PADI2: variants seen among roughly 807,000 people sequenced by gnomAD.
PADI2 encodes the protein protein-arginine deiminase type-2.
In PADI2, 70 loss-of-function variants were observed where a neutral mutation model predicts 81.1. That is an observed-to-expected ratio of 0.86 (90% CI 0.71 to 1.05). The LOEUF (loss-of-function observed/expected upper bound fraction) is 1.05. Ranked by LOEUF, PADI2 falls within the 50% of genes least tolerant of loss-of-function variation. The pLI is 0.00. For synonymous variants in PADI2, 338 were observed against 358.0 expected (o/e 0.94, Z 0.63); for missense variants, 853 against 889.9 (o/e 0.96, Z 0.53).
intron 11 of PADI2, among the ~76,000 whole-genome samples, chr1:17,077,698 G>T (rs578104856): frequency 3.3e-5 from 5 of 152,256 alleles, no homozygotes; most frequent in Admixed American, 3.3e-4. Context: ...AGGCAAAAGT[G>T]GGCAAACAGT....
chr1:17,066,925 G>GT lies in PADI2; in HGVS notation c.*2118dup, dbSNP rs1215377290. 1.3e-5 allele frequency: 2 copies of GT among 152,034 alleles called. No homozygotes were observed. Among genetic ancestry groups the GT allele is most frequent in the Non-Finnish European group, 2.9e-5 (2 of 68,024 alleles). 9.4% of individuals were successfully genotyped at this position (152,034 alleles called of 1,614,324 possible). On this transcript the variant is annotated 3_prime_UTR_variant, in exon 16 of 16. Coordinates refer to ENST00000375486, the MANE Select transcript of PADI2 (RefSeq NM_007365.3). ...TTACATAAGATATTTCAACATCAAG[G>GT]TGGAAGCAGGAACTTAGCTGAGTTT... is the stretch of plus-strand genomic sequence containing the variant.
At chr1:17,093,470 G>A in intron 5 of PADI2, 97 bp downstream of exon 5, 1 of 757,614 alleles carries the variant, frequency 1.3e-6, no homozygotes, top group South Asian at 1.8e-5. Flanking sequence ...CAGGAGGCCT[G>A]AGTCCACACC....
chr1:17,096,818 G>A (rs1930949042), intron 3 of PADI2, among the ~76,000 whole-genome samples: 1 of 152,196 alleles, frequency 6.6e-6, no homozygotes, highest in Non-Finnish European at 1.5e-5. Context: ...CTTGTAACAT[G>A]GGGCCCTTCC....
chr1:17,111,082 C>CTTTTT (rs779445292), intron 1 of PADI2, among the ~76,000 whole-genome samples: 43 of 93,892 alleles, frequency 4.6e-4, no homozygotes, highest in Non-Finnish European at 7.0e-4. Flanking sequence ...AAAGACAGAC[C>CTTTTT]TTTTTTTTTT....
At chr1:17,097,983 G>T (rs566022995) in intron 3 of PADI2, among the ~76,000 whole-genome samples, 1 of 152,278 alleles carries the variant, frequency 6.6e-6, no homozygotes, top group East Asian at 1.9e-4. Flanking sequence ...CTCTGCAGCT[G>T]CACAGCGTTT....
Position 17,079,410 on chromosome 1 carries a change from TGGGCCCTAGGCA to T in PADI2, c.1159-7_1163del, listed in dbSNP as rs1361312766. ...GCTCCCGGGTCACGTAGCCAAAATC[TGGGCCCTAGGCA>T]GAGGGCACACACCTGCGTTAGTCTT... On this transcript the variant is annotated splice_acceptor_variant and splice_polypyrimidine_tract_variant and coding_sequence_variant and intron_variant, in exon 11 of 16. Coordinates refer to ENST00000375486, the MANE Select transcript of PADI2 (RefSeq NM_007365.3). LOFTEE classifies it high-confidence loss of function. The T allele has an allele frequency of 1.2e-6, 2 of 1,613,820 alleles. No individual in the cohort carries two copies. Among genetic ancestry groups the T allele is most frequent in the Middle Eastern group, 3.3e-4 (2 of 6,058 alleles).
Position 17,085,571 on chromosome 1 carries a change from C to T in PADI2, c.835-869G>A, listed in dbSNP as rs146920263. On this transcript the variant is annotated intron_variant, in intron 7 of 15. Transcript: ENST00000375486. The stretch of plus-strand genomic sequence containing the variant: ...AAGTTTGGATGCTCACAACCACCCC[C>T]GGCAGCAGAAACTTTTGGACGTTCT... Among the ~76,000 whole-genome samples the T allele has an allele frequency of 5.4e-3, 822 of 152,260 alleles. 8 individuals are homozygous for T. The highest frequency in any genetic ancestry group is 0.019 in the African/African-American group (775 of 41,548).
intron 1 of PADI2, among the ~76,000 whole-genome samples, chr1:17,110,818 T>C (rs1931550908): frequency 1.3e-5 from 2 of 152,198 alleles, no homozygotes; most frequent in South Asian, 4.1e-4. Context: ...ACTGGCCCTT[T>C]TGGCAGTTCA....
intron 7 of PADI2, 23 bp downstream of exon 7, chr1:17,086,498 T>C (rs756163639): frequency 1.3e-6 from 2 of 1,599,402 alleles, no homozygotes; most frequent in Non-Finnish European, 1.7e-6. Flanking sequence ...TAGCCCCCTG[T>C]GGTGGAGGCC....
At chr1:17,081,349 T>A (rs1446885708) in intron 10 of PADI2, among the ~76,000 whole-genome samples, 1 of 152,204 alleles carries the variant, frequency 6.6e-6, no homozygotes, top group Non-Finnish European at 1.5e-5. Context: ...TATCCCCATT[T>A]TAGATGAGGA....
intron 6 of PADI2, among the ~76,000 whole-genome samples, chr1:17,088,903 T>A (rs1251854034): frequency 2.8e-4 from 1 of 3,602 alleles, no homozygotes; most frequent in South Asian, 6.9e-3. Context: ...CGAGACTCCA[T>A]CTCAAAAAAA....
In PADI2 at chr1:17,084,641, A is replaced by C; in HGVS notation, c.896T>G (p.Met299Arg). ...CACGGGAGGCAGGATGTTGGGGGTC[A>C]TGATCCACGGAGCAATCCGGAATAT... ...TVIFRIAPWI[M>R]TPNILPPVSV... Residue 299 changes from methionine to arginine, a missense_variant, in exon 8 of 16, where the codon ATG becomes AGG. By Grantham distance (91) the Met-to-Arg change is moderately conservative. Coordinates refer to ENST00000375486, the MANE Select transcript of PADI2 (RefSeq NM_007365.3). 6.3e-7 allele frequency: 1 copy of C among 1,581,612 alleles called. No individual in the cohort carries two copies.
chr1:17,114,679 C>G (rs1179238640), intron 1 of PADI2, among the ~76,000 whole-genome samples: 1 of 144,966 alleles, frequency 6.9e-6, no homozygotes, highest in Non-Finnish European at 1.5e-5. Flanking sequence ...AAACAGAGTT[C>G]TCGGGACTCA....
At chr1:17,075,486 C>T in intron 12 of PADI2, 193 bp downstream of exon 12, 1 of 509,730 alleles carries the variant, frequency 2.0e-6, no homozygotes, top group Non-Finnish European at 3.4e-6. Context: ...TTATGTGTTG[C>T]AATGCTAACA....
intron 3 of PADI2, among the ~76,000 whole-genome samples, chr1:17,101,553 G>A (rs1028306865): frequency 2.0e-5 from 3 of 152,140 alleles, no homozygotes; most frequent in Non-Finnish European, 4.4e-5. Flanking sequence ...AGGTCATCCC[G>A]AGGTTCCCTA....
chr1:17,067,204 AAAAAAAAAAG>A lies in PADI2; in HGVS notation c.*1830_*1839del, dbSNP rs2078228613. ...GCTCACTTCCCCCTAATGTAGACTA[AAAAAAAAAAG>A]AAAAAAAAGAAAGAAAACCCATAAA... On this transcript the variant is annotated 3_prime_UTR_variant, in exon 16 of 16. Transcript: ENST00000375486. 9.5e-6 allele frequency: 1 copy of A among 105,064 alleles called. No individual in the cohort carries two copies. The highest frequency in any genetic ancestry group is 9.8e-5 in the Admixed American group (1 of 10,192). The allele number at this position is 105,064 out of a possible 1,614,324, so 6.5% of individuals were successfully genotyped here. A position where few individuals can be genotyped will look rare whatever the true frequency, so the allele number is the denominator to read the frequency against.
At position 17,084,583 on chromosome 1, in the gene PADI2, TGG is replaced by T. The variant is rs1300845511; in HGVS notation, c.938+14_938+15del. 6.5e-7 allele frequency: 1 copy of T among 1,540,996 alleles called. No homozygotes were observed. The highest frequency in any genetic ancestry group is 2.4e-5 in the East Asian group (1 of 41,642). ...ACTCTGCCACGCTGCCTCTCCAGGCTGGGGTCACCCCTTACCAGCACACAAAC... is the reference window on the plus strand; with the variant it reads ...ACTCTGCCACGCTGCCTCTCCAGGCTGGTCACCCCTTACCAGCACACAAAC... On this transcript the variant is annotated intron_variant, in intron 8 of 15. Transcript: ENST00000375486.
chr1:17,075,429 A>G (rs1264895276), intron 12 of PADI2: 2 of 446,944 alleles, frequency 4.5e-6, no homozygotes, highest in Non-Finnish European at 7.9e-6. Flanking sequence ...TTGAAGATTT[A>G]GTATGAGAAA....
intron 13 of PADI2, 70 bp downstream of exon 13, chr1:17,074,786 C>A: frequency 1.1e-6 from 1 of 930,860 alleles, no homozygotes; most frequent in South Asian, 1.4e-5. Flanking sequence ...GCTTATCTGC[C>A]CCACCCTCCC....
Sources: gnomAD v4.1 joint callset for allele counts (sites outside exome capture counted in the v4.1 genomes callset) on GRCh38, gnomAD v4.1.1 for gene constraint, MANE v1.5 for transcripts, NCBI Gene and HGNC (gene_info 2026-07-23, HGNC 2026-07-21) for gene names.